The following NXPH1 variants were observed in gnomAD, a reference collection of about 807,000 sequenced individuals.
NXPH1 encodes the protein neurexophilin 1.
A neutral mutation model predicts 23.7 loss-of-function variants in NXPH1; 5 were observed. The observed-to-expected ratio is 0.21, with a 90% CI of 0.11 to 0.44. NXPH1 has a LOEUF of 0.44. Ranked by LOEUF, NXPH1 falls within the 20% of genes least tolerant of loss-of-function variation. The pLI is 0.99. For missense variants in NXPH1, 324 were observed against 321.6 expected, an observed-to-expected ratio of 1.01 and a Z score of -0.06; for synonymous variants, 144 against 122.2, an observed-to-expected ratio of 1.18 and a Z score of -1.18.
At chr7:8,680,545 C>T (rs1048582213) in intron 2 of NXPH1, among the ~76,000 whole-genome samples, 2 of 152,066 alleles carry the variant, frequency 1.3e-5, no homozygotes, top group African/African-American at 4.8e-5. Context: ...AAAACTTGTT[C>T]AATGACAAAA....
At chr7:8,656,921 C>A (rs546104581) in intron 2 of NXPH1, among the ~76,000 whole-genome samples, 5 of 152,282 alleles carry the variant, frequency 3.3e-5, no homozygotes, top group Admixed American at 2.0e-4. Flanking sequence ...CACCACTCTG[C>A]GAGTTTCCCA....
chr7:8,622,231 A>G (rs1195179345), intron 2 of NXPH1, among the ~76,000 whole-genome samples: 3 of 152,220 alleles, frequency 2.0e-5, no homozygotes, highest in Non-Finnish European at 4.4e-5. Flanking sequence ...TAGGGATTGA[A>G]TTAAAGTATT....
chr7:8,723,615 G>A (rs1469390191), intron 2 of NXPH1, among the ~76,000 whole-genome samples: 1 of 152,054 alleles, frequency 6.6e-6, no homozygotes, highest in Non-Finnish European at 1.5e-5. Flanking sequence ...GTGCCACTGT[G>A]CATGATTACA....
At chr7:8,565,023 A>G (rs1313067297) in intron 2 of NXPH1, among the ~76,000 whole-genome samples, 1 of 151,804 alleles carries the variant, frequency 6.6e-6, no homozygotes, top group East Asian at 1.9e-4. Context: ...TAGAGGTAGC[A>G]GTAGTAATAA....
rs573217524 is a variant in NXPH1, at chr7:8,633,389, C to CTGCACGATCT, written c.55-117617_55-117616insCACGATCTTG. Among the ~76,000 whole-genome samples, 90 of 152,338 alleles carry CTGCACGATCT rather than the reference C, an allele frequency of 5.9e-4. No individual in the cohort carries two copies. In the East Asian group the frequency reaches 0.016, roughly 28 times the overall value. On this transcript the variant is annotated intron_variant, in intron 2 of 2. Coordinates refer to ENST00000405863, the MANE Select transcript of NXPH1 (RefSeq NM_152745.3). Reference sequence around the variant, plus strand: ...ATTGCAGTGAGCCAAGATCGTGCCACTGTAGCCTAGAGACAGAGCGAGAGT... The same window carrying CTGCACGATCT: ...ATTGCAGTGAGCCAAGATCGTGCCACTGCACGATCTTGTAGCCTAGAGACAGAGCGAGAGT...
chr7:8,736,661 T>A (rs1264304787), intron 2 of NXPH1, among the ~76,000 whole-genome samples: 1 of 152,240 alleles, frequency 6.6e-6, no homozygotes, highest in Non-Finnish European at 1.5e-5. Flanking sequence ...GGTCCATAGC[T>A]GAGTTCAAGT....
rs144626532 is a variant in NXPH1, at chr7:8,723,100, C to T, written c.55-27908C>T. Reference sequence around the variant, plus strand: ...CTATTTTAAACCGTTGCAAACATACCCATAAAATTGTGTTTGCTTCGCATT... The same window carrying T: ...CTATTTTAAACCGTTGCAAACATACTCATAAAATTGTGTTTGCTTCGCATT... On this transcript the variant is annotated intron_variant, in intron 2 of 2. Coordinates refer to ENST00000405863, the MANE Select transcript of NXPH1 (RefSeq NM_152745.3). 5.0e-4 allele frequency among the ~76,000 whole-genome samples: 76 copies of T among 152,226 alleles called. No individual in the cohort carries two copies. The East Asian group carries it at 0.012, about 24-fold the overall frequency.
chr7:8,752,785 T>C lies in NXPH1; in HGVS notation c.*1016T>C, dbSNP rs376878187. 6.6e-6 allele frequency: 1 copy of C among 152,668 alleles called. No individual in the cohort carries two copies. Among genetic ancestry groups the C allele is most frequent in the East Asian group, 1.9e-4 (1 of 5,170 alleles). 9.5% of individuals were successfully genotyped at this position (152,668 alleles called of 1,614,324 possible). A position where few individuals can be genotyped will look rare whatever the true frequency, so the allele number is the denominator to read the frequency against. ...AAAAGGATATGAGGAATTCATTTTA[T>C]CAATGTAGCTGTGAAGGCCATTAAA... On this transcript the variant is annotated 3_prime_UTR_variant, in exon 3 of 3. Transcript: ENST00000405863.
intron 2 of NXPH1, among the ~76,000 whole-genome samples, chr7:8,544,706 G>T (rs982585607): frequency 6.6e-6 from 1 of 151,512 alleles, no homozygotes; most frequent in Non-Finnish European, 1.5e-5. Context: ...TAAAGTGCCT[G>T]TTTCTTTAAG....
At chr7:8,598,184 T>C (rs1415532715) in intron 2 of NXPH1, among the ~76,000 whole-genome samples, 1 of 152,126 alleles carries the variant, frequency 6.6e-6, no homozygotes. Context: ...CTGTTTAATG[T>C]CACCATGAAA....
intron 2 of NXPH1, among the ~76,000 whole-genome samples, chr7:8,708,515 C>T (rs565736091): frequency 2.0e-5 from 3 of 152,012 alleles, no homozygotes; most frequent in Non-Finnish European, 4.4e-5. Context: ...CACCTGCCAC[C>T]ATGCCTGGCT....
chr7:8,667,515 A>T (rs1031533521), intron 2 of NXPH1, among the ~76,000 whole-genome samples: 1 of 148,426 alleles, frequency 6.7e-6, no homozygotes, highest in African/African-American at 2.5e-5. Context: ...TCCATTATCT[A>T]TTGGCCTTTA....
chr7:8,596,403 G>A (rs536301598), intron 2 of NXPH1, among the ~76,000 whole-genome samples: 1 of 152,078 alleles, frequency 6.6e-6, no homozygotes, highest in Admixed American at 6.6e-5. Context: ...AGGGCTCTTG[G>A]AAGAATGTTT....
chr7:8,450,477 A>C (rs1816488492), intron 2 of NXPH1, among the ~76,000 whole-genome samples: 1 of 152,280 alleles, frequency 6.6e-6, no homozygotes, highest in African/African-American at 2.4e-5. Flanking sequence ...TGAAGTAGAA[A>C]ACTTCCTTGA....
chr7:8,581,950 C>T (rs1488813437), intron 2 of NXPH1, among the ~76,000 whole-genome samples: 1 of 152,138 alleles, frequency 6.6e-6, no homozygotes, highest in Non-Finnish European at 1.5e-5. Flanking sequence ...CAGCCCAGAT[C>T]CTATACCTGC....
chr7:8,520,921 C>T (rs2349486), intron 2 of NXPH1, among the ~76,000 whole-genome samples: 88,640 of 152,006 alleles, frequency 0.58, 26,015 homozygotes, highest in East Asian at 0.68. Flanking sequence ...CATTCACATG[C>T]AGTTGATTGA....
At chr7:8,697,617 G>A (rs1280449117) in intron 2 of NXPH1, among the ~76,000 whole-genome samples, 1 of 152,138 alleles carries the variant, frequency 6.6e-6, no homozygotes, top group African/African-American at 2.4e-5. Flanking sequence ...GTGATAATTA[G>A]TATATACATT....
At chr7:8,706,645 A>C (rs1243136199) in intron 2 of NXPH1, among the ~76,000 whole-genome samples, 3 of 152,150 alleles carry the variant, frequency 2.0e-5, no homozygotes, top group South Asian at 4.1e-4. Flanking sequence ...TTCCGACTCA[A>C]TGGGTTCATG....
Position 8,506,442 on chromosome 7 carries a change from T to C in NXPH1, c.54+70675T>C, listed in dbSNP as rs181073324. On this transcript the variant is annotated intron_variant, in intron 2 of 2. Transcript: ENST00000405863. ...CTTGTGAAGATTAAGTGAGAAAAGATGTTTGGAGTGCAATTTGTAAGTTTA... is the reference window on the plus strand; with the variant it reads ...CTTGTGAAGATTAAGTGAGAAAAGACGTTTGGAGTGCAATTTGTAAGTTTA... Among the ~76,000 whole-genome samples, 296 of 152,218 alleles carry C rather than the reference T, an allele frequency of 1.9e-3. 2 individuals carry two copies. Among genetic ancestry groups the C allele is most frequent in the African/African-American group, 6.8e-3 (281 of 41,562 alleles).
Sources: allele counts gnomAD v4.1 joint callset (sites outside exome capture counted in the v4.1 genomes callset), GRCh38; gene constraint gnomAD v4.1.1; transcripts MANE v1.5; gene names NCBI Gene and HGNC (gene_info 2026-07-23, HGNC 2026-07-21).